Variants in C11orf24 observed in about 807,000 individuals in gnomAD.
C11orf24 encodes uncharacterized protein C11orf24.
C11orf24 carries 5 observed loss-of-function variants against 7.3 expected under a neutral mutation model. The observed-to-expected ratio is 0.69, with a 90% CI of 0.36 to 1.45. The LOEUF (loss-of-function observed/expected upper bound fraction) is 1.45, where lower values mean the gene tolerates loss of function less well. C11orf24 is among the 40% of genes most tolerant of loss of function. The pLI is 0.03. For synonymous variants in C11orf24, 233 were observed against 235.7 expected (o/e 0.99, Z 0.11); for missense variants, 566 against 590.5 (o/e 0.96, Z 0.43).
intron 2 of C11orf24, among the ~76,000 whole-genome samples, chr11:68,266,620 G>A (rs560132357): frequency 2.2e-4 from 33 of 152,236 alleles, no homozygotes; most frequent in African/African-American, 7.7e-4. Context: ...AGTGTGGCGG[G>A]GGGGATGGGG....
At chr11:68,264,463 TATCC>T (rs1245209734) in intron 2 of C11orf24, among the ~76,000 whole-genome samples, 45 of 55,920 alleles carry the variant, frequency 8.0e-4, no homozygotes, top group African/African-American at 2.8e-3. Context: ...CTTACCCATC[TATCC>T]ATCCATCCAT....
Position 68,262,184 on chromosome 11 carries a change from TTGTTG to T in C11orf24, c.806_810del (p.Thr269LysfsTer2). 6.2e-7 allele frequency: 1 copy of T among 1,613,706 alleles called. No individual in the cohort carries two copies. The highest frequency in any genetic ancestry group is 8.5e-7 in the Non-Finnish European group (1 of 1,179,760). On this transcript the variant is annotated frameshift_variant, in exon 4 of 4. Transcript: ENST00000304271. LOFTEE classifies it low-confidence loss of function (END_TRUNC). ...TTTGAGGGCATGGGTGTGGATTTAT[TTGTTG>T]TGTTAACCACAGGCTGGTCCACTGA...
chr11:68,265,566 C>T (rs1319289144), intron 2 of C11orf24, among the ~76,000 whole-genome samples: 3 of 152,188 alleles, frequency 2.0e-5, no homozygotes, highest in South Asian at 2.1e-4. Flanking sequence ...GTGGCATGAT[C>T]GTACCTCACT....
chr11:68,263,214 G>T, intron 3 of C11orf24: 1 of 470,914 alleles, frequency 2.1e-6, no homozygotes, highest in Non-Finnish European at 3.8e-6. Context: ...AAACATCAGA[G>T]TAAAAGTCTC....
rs1565289777 is a variant in C11orf24, at chr11:68,262,588, G to A, written c.407C>T (p.Ala136Val). 4.3e-6 allele frequency: 7 copies of A among 1,613,736 alleles called. No homozygotes were observed. Among genetic ancestry groups the A allele is most frequent in the Middle Eastern group, 1.7e-4 (1 of 5,978 alleles). The change falls in exon 4 of 4, where the codon GCA (alanine) becomes GTA (valine). Residue 136 changes from alanine to valine, a missense_variant. Transcript: ENST00000304271. ...GGAGGCCACAGTTGTACTGGAGGCTGCAGTCGTGGGAGCACTGGAGGCCAC... is the reference window on the plus strand; with the variant it reads ...GGAGGCCACAGTTGTACTGGAGGCTACAGTCGTGGGAGCACTGGAGGCCAC... ...MTVASSAPTT[A>V]ASSTTVASIA... is the part of the protein sequence containing the mutation.
chr11:68,261,694 G>C lies in C11orf24; in HGVS notation c.1301C>G (p.Thr434Ser). The C allele has an allele frequency of 1.2e-6, 2 of 1,614,084 alleles. No individual in the cohort carries two copies. The highest frequency in any genetic ancestry group is 1.1e-5 in the South Asian group (1 of 91,076). ...CCCGTTGATTAAGTAGTCCACCTGG[G>C]TGTAGTCCTTCTTCTTGTAGCTCTC... ...AYESYKKKDY[T>S]QVDYLINGMY... The change falls in exon 4 of 4, where the codon ACC (threonine) becomes AGC (serine). Residue 434 changes from threonine (T) to serine (S), a missense_variant. Transcript: ENST00000304271.
At chr11:68,266,331 G>C (rs1248376637) in intron 2 of C11orf24, among the ~76,000 whole-genome samples, 1 of 152,174 alleles carries the variant, frequency 6.6e-6, no homozygotes, top group African/African-American at 2.4e-5. Flanking sequence ...GAAGCCCCTG[G>C]GTGGCTTCCT....
intron 2 of C11orf24, among the ~76,000 whole-genome samples, chr11:68,264,489 C>CTCAT (rs2098563597): frequency 1.3e-5 from 1 of 78,768 alleles, no homozygotes; most frequent in Non-Finnish European, 2.7e-5. Flanking sequence ...CATCCACCCA[C>CTCAT]CCATCCATCC....
chr11:68,269,858 C>T (rs1415402965), intron 1 of C11orf24, among the ~76,000 whole-genome samples: 1 of 152,204 alleles, frequency 6.6e-6, no homozygotes, highest in Non-Finnish European at 1.5e-5. Flanking sequence ...TGTCCTATGA[C>T]TTCATCCCTC....
chr11:68,262,858 G>C lies in C11orf24; in HGVS notation c.137C>G (p.Thr46Arg). Residue 46 changes from threonine to arginine, a missense_variant, in exon 4 of 4, where the codon ACA (threonine) becomes AGA (arginine). Thr to Arg is a moderately conservative substitution (Grantham distance 71). Transcript: ENST00000304271. ...GLVKRNASVE[T>R]VDNKTSEDVT... ...ATCCTCAGACGTTTTATTATCAACT[G>C]TTTCCACAGATGCATTCCTCTTGAC... The C allele has an allele frequency of 6.2e-7, 1 of 1,614,118 alleles. No individual in the cohort carries two copies.
At chr11:68,263,022 T>G (rs573370454) in intron 3 of C11orf24, 104 bp from the exon 4 acceptor site, 1 of 981,692 alleles carries the variant, frequency 1.0e-6, no homozygotes, top group South Asian at 1.6e-5. Context: ...GGCCCCCTCC[T>G]CAGCCCAGCC....
chr11:68,263,036 G>T, intron 3 of C11orf24, 118 bp from the exon 4 acceptor site: 1 of 777,656 alleles, frequency 1.3e-6, no homozygotes, highest in Non-Finnish European at 2.1e-6. Flanking sequence ...CCCAGCCAGA[G>T]TCGGGGGAGG....
intron 3 of C11orf24, chr11:68,263,179 C>T (rs1329946842): frequency 1.9e-6 from 1 of 532,846 alleles, no homozygotes. Flanking sequence ...AGGCTTCAGA[C>T]CTTCACTATT....
In C11orf24 at chr11:68,265,783, G is replaced by A. The variant is rs574492952; in HGVS notation, c.-99-1917C>T. ...ATTACAGGCATGAGCTATTGTGCCC[G>A]GCCCTTAATGTATTATAAAAAAATT... On this transcript the variant is annotated intron_variant, in intron 2 of 3. Coordinates refer to ENST00000304271, the MANE Select transcript of C11orf24 (RefSeq NM_022338.4). 2.6e-5 allele frequency among the ~76,000 whole-genome samples: 4 copies of A among 152,228 alleles called. No individual in the cohort carries two copies. The East Asian group carries it at 5.8e-4, about 22-fold the overall frequency.
intron 2 of C11orf24, among the ~76,000 whole-genome samples, chr11:68,264,849 T>G (rs1280754548): frequency 6.7e-6 from 1 of 149,670 alleles, no homozygotes; most frequent in Admixed American, 6.7e-5. Flanking sequence ...AGAAAAGAGG[T>G]CATTGCAGGC....
At chr11:68,264,904 G>A (rs1345624660) in intron 2 of C11orf24, among the ~76,000 whole-genome samples, 1 of 151,842 alleles carries the variant, frequency 6.6e-6, no homozygotes, top group East Asian at 2.0e-4. Context: ...TGGGAAGCAA[G>A]GAGGAGACAG....
intron 1 of C11orf24, among the ~76,000 whole-genome samples, chr11:68,270,806 C>T (rs939509753): frequency 2.0e-5 from 3 of 152,082 alleles, no homozygotes; most frequent in African/African-American, 7.2e-5. Flanking sequence ...AAATACAGGG[C>T]AAACTGCAGG....
In C11orf24 at chr11:68,261,447, C is replaced by T. The variant is rs762089629; in HGVS notation, c.*198G>A. 315 of 579,466 alleles carry T rather than the reference C, an allele frequency of 5.4e-4. 3 individuals carry two copies. The highest frequency in any genetic ancestry group is 1.8e-3 in the Admixed American group (55 of 31,208). The allele number at this position is 579,466 out of a possible 1,614,324, so 35.9% of individuals were successfully genotyped here. On this transcript the variant is annotated 3_prime_UTR_variant, in exon 4 of 4. Transcript: ENST00000304271. ...CCCCAGCTGCTCCTGGGCACAGAAT[C>T]ATTTACAAAAATAAATATGAAAAAA... is the stretch of plus-strand genomic sequence containing the variant.
At chr11:68,270,174 T>C (rs1470374526) in intron 1 of C11orf24, among the ~76,000 whole-genome samples, 1 of 152,098 alleles carries the variant, frequency 6.6e-6, no homozygotes, top group Non-Finnish European at 1.5e-5. Flanking sequence ...AAGTTTGTAT[T>C]AAGTTGGAGA....
Sources: allele counts gnomAD v4.1 joint callset (sites outside exome capture counted in the v4.1 genomes callset), GRCh38; gene constraint gnomAD v4.1.1; transcripts MANE v1.5; gene names NCBI Gene and HGNC (gene_info 2026-07-23, HGNC 2026-07-21).